TAX1BP1: variants seen among roughly 807,000 people sequenced by gnomAD.
The protein encoded by TAX1BP1 is Tax1 binding protein 1, also known as tax1-binding protein 1.
In TAX1BP1, 62 loss-of-function variants were observed where a neutral mutation model predicts 97.7. The observed-to-expected ratio is 0.63, with a 90% CI of 0.52 to 0.78. TAX1BP1 has a LOEUF of 0.78. Among genes scored for constraint, TAX1BP1 ranks in the 30% least tolerant of loss-of-function variants. The pLI, the probability that TAX1BP1 is intolerant of heterozygous loss-of-function variation, is 0.00. For missense variants in TAX1BP1, 867 were observed against 916.1 expected, an observed-to-expected ratio of 0.95 and a Z score of 0.69; for synonymous variants, 340 against 304.2, an observed-to-expected ratio of 1.12 and a Z score of -1.23.
chr7:27,785,532 G>T, intron 7 of TAX1BP1, 43 bp downstream of exon 7: 3 of 1,529,064 alleles, frequency 2.0e-6, no homozygotes, highest in Non-Finnish European at 2.7e-6. Context: ...TGCTTCAAAA[G>T]AAATGACCCC....
At position 27,785,195 on chromosome 7, in the gene TAX1BP1, G is replaced by A; in HGVS notation, c.645G>A (p.Met215Ile). The A allele has an allele frequency of 1.2e-6, 2 of 1,611,278 alleles. No homozygotes were observed. The highest frequency in any genetic ancestry group is 8.5e-7 in the Non-Finnish European group (1 of 1,178,948). Residue 215 changes from methionine (M) to isoleucine (I), a missense_variant, in exon 6 of 17, where the codon ATG becomes ATA. By Grantham distance (10) the Met-to-Ile change is conservative. Around this residue, in one of 3 missense-constraint regions of TAX1BP1, gnomAD observed 822 missense variants for 851.4 expected, o/e 0.97. Coordinates refer to ENST00000396319, the MANE Select transcript of TAX1BP1 (RefSeq NM_006024.7). ...GLTEVTQSLK[M>I]ENEEFKKRFS... Reference sequence around the variant, plus strand: ...CTGAAGTAACACAAAGCTTAAAAATGGAAAATGAAGAGTTTAAGAAGAGGT... The same window carrying A: ...CTGAAGTAACACAAAGCTTAAAAATAGAAAATGAAGAGTTTAAGAAGAGGT...
chr7:27,782,948 T>TA (rs1789318599), intron 5 of TAX1BP1, among the ~76,000 whole-genome samples: 1 of 152,216 alleles, frequency 6.6e-6, no homozygotes, highest in South Asian at 2.1e-4. Context: ...AAAATGTGTT[T>TA]AGCCACCTAG....
At chr7:27,784,133 AATACT>A (rs1405808605) in intron 5 of TAX1BP1, among the ~76,000 whole-genome samples, 9 of 152,200 alleles carry the variant, frequency 5.9e-5, no homozygotes, top group Non-Finnish European at 1.5e-5. Context: ...GTGAATTATA[AATACT>A]ATATAATCTT....
intron 4 of TAX1BP1, among the ~76,000 whole-genome samples, chr7:27,766,658 T>G (rs1583684165): frequency 6.6e-6 from 1 of 152,164 alleles, no homozygotes; most frequent in South Asian, 2.1e-4. Flanking sequence ...GCTTTCCTTA[T>G]GTTCCTTTGC....
intron 13 of TAX1BP1, among the ~76,000 whole-genome samples, chr7:27,812,013 C>G (rs1046106959): frequency 1.3e-5 from 2 of 152,072 alleles, no homozygotes; most frequent in East Asian, 3.8e-4. Flanking sequence ...GAGTAGATAC[C>G]TAGGAGTGGA....
chr7:27,745,460 G>A (rs1392120571), intron 1 of TAX1BP1, among the ~76,000 whole-genome samples: 2 of 152,064 alleles, frequency 1.3e-5, no homozygotes, highest in African/African-American at 2.4e-5. Context: ...ATATTTGATT[G>A]CATTCATCCA....
At chr7:27,807,603 T>C (rs1345594183) in intron 13 of TAX1BP1, among the ~76,000 whole-genome samples, 1 of 152,186 alleles carries the variant, frequency 6.6e-6, no homozygotes, top group Non-Finnish European at 1.5e-5. Flanking sequence ...TCTTTCATTA[T>C]TTGGTTAAGG....
At chr7:27,804,265 ATTCT>A (rs2128321421) in intron 13 of TAX1BP1, among the ~76,000 whole-genome samples, 1 of 152,378 alleles carries the variant, frequency 6.6e-6, no homozygotes, top group East Asian at 1.9e-4. Flanking sequence ...TAAAAGAGCC[ATTCT>A]AAGTGCAAGT....
intron 10 of TAX1BP1, 59 bp from the exon 11 acceptor site, chr7:27,794,264 A>C: frequency 7.1e-7 from 1 of 1,407,244 alleles, no homozygotes; most frequent in Non-Finnish European, 9.8e-7. Flanking sequence ...TAGTTACTGC[A>C]AGGAGGAAAT....
chr7:27,779,058 CT>C (rs540828618), intron 5 of TAX1BP1, among the ~76,000 whole-genome samples: 6 of 151,624 alleles, frequency 4.0e-5, no homozygotes, highest in Non-Finnish European at 5.9e-5. Context: ...CTATATTTGC[CT>C]TTTTTTTAAT....
rs772174248 is a variant in TAX1BP1 at position 27,817,077 on chromosome 7, T to C, written c.2085+39T>C. 8 of 1,585,028 alleles carry C rather than the reference T, an allele frequency of 5.0e-6. No individual in the cohort carries two copies. In the South Asian group the frequency reaches 9.2e-5, roughly 18 times the overall value. Reference sequence around the variant, plus strand: ...TCATTGTGTGAGCCTGTCCCTTTTTTATTTTTTAGCTTATGTAGAGAGTTA... The same window carrying C: ...TCATTGTGTGAGCCTGTCCCTTTTTCATTTTTTAGCTTATGTAGAGAGTTA... On this transcript the variant is annotated intron_variant, in intron 15 of 16. Coordinates refer to ENST00000396319, the MANE Select transcript of TAX1BP1 (RefSeq NM_006024.7).
chr7:27,811,666 T>G (rs1250335835), intron 13 of TAX1BP1, among the ~76,000 whole-genome samples: 1 of 152,182 alleles, frequency 6.6e-6, no homozygotes, highest in Non-Finnish European at 1.5e-5. Context: ...TGATGACTTT[T>G]GGCAAATGCA....
At chr7:27,801,787 T>C (rs1790148265) in intron 13 of TAX1BP1, among the ~76,000 whole-genome samples, 1 of 152,208 alleles carries the variant, frequency 6.6e-6, no homozygotes, top group Non-Finnish European at 1.5e-5. Flanking sequence ...GGTAAATGTG[T>C]TTGGCTTTTT....
Position 27,803,402 on chromosome 7 carries a change from CAT to C in TAX1BP1, c.1764+3314_1764+3315del, listed in dbSNP as rs111439587. 7.9e-5 allele frequency among the ~76,000 whole-genome samples: 12 copies of C among 152,298 alleles called. 1 individual carries two copies. Among genetic ancestry groups the C allele is most frequent in the African/African-American group, 2.9e-4 (12 of 41,552 alleles). On this transcript the variant is annotated intron_variant, in intron 13 of 16. Transcript: ENST00000396319. ...GACTTACAGCAAAACCTCACATTCACATAGAGCAATACATTTGTAATGTAAAA... is the reference window on the plus strand; with the variant it reads ...GACTTACAGCAAAACCTCACATTCACAGAGCAATACATTTGTAATGTAAAA...
chr7:27,747,972 G>A (rs750106184), intron 1 of TAX1BP1, among the ~76,000 whole-genome samples: 11 of 152,026 alleles, frequency 7.2e-5, no homozygotes, highest in African/African-American at 1.2e-4. Flanking sequence ...AGATGTTAGC[G>A]TCAGGTTTAG....
intron 2 of TAX1BP1, among the ~76,000 whole-genome samples, chr7:27,755,818 T>A (rs1208194287): frequency 6.6e-6 from 1 of 152,214 alleles, no homozygotes; most frequent in Admixed American, 6.5e-5. Context: ...GTTAACTAGA[T>A]TCAGGTATAT....
intron 8 of TAX1BP1, among the ~76,000 whole-genome samples, chr7:27,788,804 C>T (rs1397193199): frequency 6.6e-6 from 1 of 151,974 alleles, no homozygotes; most frequent in African/African-American, 2.4e-5. Context: ...CTGATATTAC[C>T]ATTTCTCCAA....
chr7:27,800,111 A>T (rs771983263), intron 13 of TAX1BP1, 21 bp downstream of exon 13: 2 of 1,545,878 alleles, frequency 1.3e-6, no homozygotes, highest in Non-Finnish European at 1.7e-6. Flanking sequence ...TACTCCTTGT[A>T]TGTAAACTTA....
At chr7:27,828,195 C>A (rs185625724) in intron 16 of TAX1BP1, among the ~76,000 whole-genome samples, 1 of 152,090 alleles carries the variant, frequency 6.6e-6, no homozygotes, top group Non-Finnish European at 1.5e-5. Flanking sequence ...ACATGTCCTC[C>A]GACTGATTCT....
Sources: allele counts gnomAD v4.1 joint callset (sites outside exome capture counted in the v4.1 genomes callset), GRCh38; gene constraint gnomAD v4.1.1; regional missense constraint gnomAD v4.1.1; transcripts MANE v1.5; gene names NCBI Gene and HGNC (gene_info 2026-07-23, HGNC 2026-07-21).